The following BLM variants were observed in gnomAD, a reference collection of about 807,000 sequenced individuals.
The protein encoded by BLM is recQ-like DNA helicase BLM.
BLM carries 95 observed loss-of-function variants against 135.3 expected under a neutral mutation model. That is an observed-to-expected ratio of 0.70 (90% CI 0.59 to 0.83). BLM has a LOEUF of 0.83. Among genes scored for constraint, BLM ranks in the 40% least tolerant of loss-of-function variants. BLM has a pLI of 0.00. For synonymous variants in BLM, 520 were observed against 589.2 expected (o/e 0.88, Z 1.70); for missense variants, 1,518 against 1,663.9 (o/e 0.91, Z 1.53).
chr15:90,800,226 C>T (rs62025122), intron 17 of BLM, among the ~76,000 whole-genome samples: 7,987 of 152,276 alleles, frequency 0.052, 243 homozygotes, highest in Middle Eastern at 0.088. Context: ...CCAAACCAGA[C>T]TGACATCAGC....
intron 1 of BLM, among the ~76,000 whole-genome samples, chr15:90,721,669 G>A (rs1053851204): frequency 4.0e-5 from 6 of 151,234 alleles, no homozygotes; most frequent in Non-Finnish European, 4.4e-5. Context: ...ACAGTGGCTC[G>A]CGCCTGTAAT....
intron 1 of BLM, among the ~76,000 whole-genome samples, chr15:90,730,547 C>T (rs1182834860): frequency 6.6e-6 from 1 of 152,020 alleles, no homozygotes; most frequent in Non-Finnish European, 1.5e-5. Context: ...CCTCCCGGTT[C>T]AAGTGATTCT....
chr15:90,756,222 G>A (rs1895814678), intron 5 of BLM, among the ~76,000 whole-genome samples: 1 of 151,892 alleles, frequency 6.6e-6, no homozygotes, highest in Non-Finnish European at 1.5e-5. Context: ...TCCTGCCTCA[G>A]CCTCCTGATT....
rs763554007 is a variant in BLM at position 90,811,241 on chromosome 15, G to A, written c.3911G>A (p.Ser1304Asn). ...TCCCCAGGGATAAGCCTGTCCAGCAGCAGAGGCCCCGGAAGAAGTGCCGCT... is the reference window on the plus strand; with the variant it reads ...TCCCCAGGGATAAGCCTGTCCAGCAACAGAGGCCCCGGAAGAAGTGCCGCT... ...DSSPGISLSS[S>N]RGPGRSAAEE... Residue 1304 changes from serine (S) to asparagine (N), a missense_variant, in exon 21 of 22, where the codon AGC becomes AAC. Physicochemically the swap from Ser to Asn is conservative, Grantham distance 46. Transcript: ENST00000355112. 1 of 1,613,922 alleles carries A rather than the reference G, an allele frequency of 6.2e-7. No homozygotes were observed. The highest frequency in any genetic ancestry group is 1.1e-5 in the South Asian group (1 of 91,066).
chr15:90,811,084 T>C, intron 20 of BLM, 121 bp from the exon 21 acceptor site: 1 of 999,388 alleles, frequency 1.0e-6, no homozygotes, highest in Non-Finnish European at 1.6e-6. Context: ...TGAATCCATA[T>C]GGCAGGGAAG....
At chr15:90,787,532 G>A (rs1007069256) in intron 14 of BLM, among the ~76,000 whole-genome samples, 46 of 152,176 alleles carry the variant, frequency 3.0e-4, no homozygotes, top group African/African-American at 1.0e-3. Context: ...GTTTTCTCTG[G>A]GAAAACAGAA....
intron 1 of BLM, among the ~76,000 whole-genome samples, chr15:90,723,377 G>A (rs1390191275): frequency 6.7e-6 from 1 of 150,332 alleles, no homozygotes; most frequent in Admixed American, 6.6e-5. Context: ...ATTTTGGCTG[G>A]GCATGGTAGC....
At chr15:90,791,918 G>A (rs1001075314) in intron 15 of BLM, among the ~76,000 whole-genome samples, 1 of 152,090 alleles carries the variant, frequency 6.6e-6, no homozygotes, top group Non-Finnish European at 1.5e-5. Flanking sequence ...GGGATTACAG[G>A]TGTGAGCCAC....
At chr15:90,787,175 G>C (rs1364132245) in intron 14 of BLM, among the ~76,000 whole-genome samples, 2 of 148,246 alleles carry the variant, frequency 1.3e-5, no homozygotes, top group African/African-American at 5.0e-5. Flanking sequence ...TCAGCCTCCC[G>C]AGTAGCTGGG....
Position 90,815,375 on chromosome 15 carries a change from GT to G in BLM, c.*101del, listed in dbSNP as rs1567069199. The stretch of plus-strand genomic sequence containing the variant: ...TGTTATTCTTGTTATACCATTTGAA[GT>G]TTTTACTCGTCTCTATTAATATTTA... On this transcript the variant is annotated 3_prime_UTR_variant, in exon 22 of 22. Coordinates refer to ENST00000355112, the MANE Select transcript of BLM (RefSeq NM_000057.4). The surrounding 1 kb of genome is among the most constrained non-coding windows in gnomAD (Gnocchi z 4.6). 1 of 1,297,322 alleles carries G rather than the reference GT, an allele frequency of 7.7e-7. No homozygotes were observed. The highest frequency in any genetic ancestry group is 1.8e-5 in the Admixed American group (1 of 54,224). 80.4% of individuals were successfully genotyped at this position (1,297,322 alleles called of 1,614,324 possible).
chr15:90,742,313 GCT>G (rs1214229294), intron 1 of BLM, among the ~76,000 whole-genome samples: 3 of 152,160 alleles, frequency 2.0e-5, no homozygotes, highest in African/African-American at 7.2e-5. Context: ...ACAGAGCGAC[GCT>G]CTGTTTTTCA....
At chr15:90,737,135 T>G (rs1895238688) in intron 1 of BLM, among the ~76,000 whole-genome samples, 1 of 151,538 alleles carries the variant, frequency 6.6e-6, no homozygotes, top group South Asian at 2.1e-4. Context: ...GTACCCTTAA[T>G]CTGAAGAAAG....
At chr15:90,722,337 C>T (rs1894791944) in intron 1 of BLM, among the ~76,000 whole-genome samples, 1 of 152,098 alleles carries the variant, frequency 6.6e-6, no homozygotes, top group Non-Finnish European at 1.5e-5. Context: ...TCTCGATCTC[C>T]TGACCTCATG....
intron 9 of BLM, 81 bp downstream of exon 9, chr15:90,765,495 G>A (rs1896100381): frequency 8.7e-7 from 1 of 1,151,526 alleles, no homozygotes; most frequent in Admixed American, 1.8e-5. Context: ...TTATTAAATA[G>A]TTCGTGATTT....
chr15:90,764,081 G>C (rs1339320763), intron 8 of BLM, among the ~76,000 whole-genome samples: 1 of 150,512 alleles, frequency 6.6e-6, no homozygotes, highest in Non-Finnish European at 1.5e-5. Context: ...ACCCTATTTT[G>C]GTGTTTCAGA....
chr15:90,780,993 A>G (rs1420227243), intron 12 of BLM, among the ~76,000 whole-genome samples: 2 of 152,226 alleles, frequency 1.3e-5, no homozygotes, highest in African/African-American at 4.8e-5. Flanking sequence ...ATGGGAAACC[A>G]AGGGATGTGA....
At chr15:90,763,280 C>T in intron 8 of BLM, 123 bp downstream of exon 8, 12 of 1,002,974 alleles carry the variant, frequency 1.2e-5, no homozygotes, top group Non-Finnish European at 1.9e-5. Flanking sequence ...CTTAAACCTC[C>T]TGTACCATAG....
rs1249221595 is a variant in BLM, at chr15:90,815,259, C to T, written c.4234C>T (p.Pro1412Ser). 6.2e-7 allele frequency: 1 copy of T among 1,614,092 alleles called. No homozygotes were observed. The highest frequency in any genetic ancestry group is 1.1e-5 in the South Asian group (1 of 91,076). The change falls in exon 22 of 22, where the codon CCT becomes TCT. Residue 1412 changes from proline (P) to serine (S), a missense_variant. Physicochemically the swap from Pro to Ser is moderately conservative, Grantham distance 74 (BLOSUM62 -1). Transcript: ENST00000355112. This position sits in a 1 kb window ranked among gnomAD's most constrained non-coding sequence, Gnocchi z 4.6. ...PKPINRPFLKPSYAFS is the reference protein window; with the variant it reads ...PKPINRPFLKSSYAFS ...GCCTATAAATAGACCGTTTCTTAAGCCTTCATATGCATTCTCATAACAACC... is the reference window on the plus strand; with the variant it reads ...GCCTATAAATAGACCGTTTCTTAAGTCTTCATATGCATTCTCATAACAACC...
At chr15:90,753,765 C>T (rs2151151201) in intron 4 of BLM, among the ~76,000 whole-genome samples, 1 of 152,290 alleles carries the variant, frequency 6.6e-6, no homozygotes, top group South Asian at 2.1e-4. Context: ...GTTTTTCAAA[C>T]TCCTCTTTTC....
Sources: allele counts gnomAD v4.1 joint callset (sites outside exome capture counted in the v4.1 genomes callset), GRCh38; gene constraint gnomAD v4.1.1; non-coding constraint Gnocchi (gnomAD v3.1); transcripts MANE v1.5; gene names NCBI Gene and HGNC (gene_info 2026-07-23, HGNC 2026-07-21).